CCDC144A: variants seen among roughly 807,000 people sequenced by gnomAD.
CCDC144A encodes the protein coiled-coil domain containing 144A.
Under a neutral mutation model 143.8 loss-of-function variants are expected in CCDC144A, and 41 were observed. The observed-to-expected ratio is 0.29, with a 90% CI of 0.22 to 0.37. The LOEUF is 0.37. CCDC144A is among the 10% of genes least tolerant of loss of function. The probability of loss-of-function intolerance (pLI) is 1.00; values close to 1 mark genes in which losing one functional copy is unlikely to be tolerated. For missense variants in CCDC144A, 637 were observed against 1,488.8 expected (o/e 0.43, Z 9.41); for synonymous variants, 242 against 517.9 (o/e 0.47, Z 7.23).
chr17:16,716,630 A>AT (rs917070333), intron 6 of CCDC144A, among the ~76,000 whole-genome samples: 2 of 152,070 alleles, frequency 1.3e-5, no homozygotes, highest in Non-Finnish European at 1.5e-5. Context: ...TAACACTAAG[A>AT]TTTTTTTCTT....
At chr17:16,754,547 G>A (rs2649359) in intron 12 of CCDC144A, among the ~76,000 whole-genome samples, 3 of 152,210 alleles carry the variant, frequency 2.0e-5, no homozygotes, top group East Asian at 3.9e-4. Context: ...TTTAATTTCC[G>A]TGCATTTGTA....
intron 8 of CCDC144A, among the ~76,000 whole-genome samples, chr17:16,723,446 A>AT (rs1913208980): frequency 1.3e-5 from 2 of 151,590 alleles, no homozygotes; most frequent in African/African-American, 2.4e-5. Flanking sequence ...GGTTTTATTG[A>AT]TTTTTTTCCT....
chr17:16,678,514 G>A, the CCDC144A span, among the ~76,000 whole-genome samples: 2 of 151,930 alleles, frequency 1.3e-5, no homozygotes, highest in Non-Finnish European at 2.9e-5. Context: ...CTGGCATGCA[G>A]ACCTCAGATA....
intron 2 of CCDC144A, among the ~76,000 whole-genome samples, chr17:16,703,187 T>C (rs1244795960): frequency 1.3e-5 from 2 of 152,134 alleles, no homozygotes; most frequent in East Asian, 3.8e-4. Context: ...CATTCCCTTT[T>C]AAAACATTTT....
upstream of CCDC144A, among the ~76,000 whole-genome samples, chr17:16,686,001 C>T (rs1431503903): frequency 7.0e-6 from 1 of 142,660 alleles, no homozygotes; most frequent in African/African-American, 2.6e-5. Flanking sequence ...CTGCTGGTCT[C>T]GAACTCCTGA....
upstream of CCDC144A, chr17:16,689,419 C>T (rs1303247236): frequency 6.6e-6 from 1 of 152,322 alleles, no homozygotes; most frequent in Non-Finnish European, 1.5e-5. Flanking sequence ...GCCTCAAACT[C>T]CTGACCTCAA....
chr17:16,681,729 G>A, the CCDC144A span, among the ~76,000 whole-genome samples: 35 of 151,824 alleles, frequency 2.3e-4, no homozygotes, highest in African/African-American at 6.8e-4. Flanking sequence ...GTGTGGTGGC[G>A]CACGCCTATA....
chr17:16,689,565 G>A (rs1450731134), upstream of CCDC144A: 1 of 152,368 alleles, frequency 6.6e-6, no homozygotes, highest in Non-Finnish European at 1.5e-5. Context: ...AGCAATCCTG[G>A]TGGCACCAGG....
intron 12 of CCDC144A, among the ~76,000 whole-genome samples, chr17:16,741,259 CCT>C (rs1914243198): frequency 6.6e-6 from 1 of 152,158 alleles, no homozygotes; most frequent in African/African-American, 2.4e-5. Context: ...GGACAGCTTG[CCT>C]CTGCTCCCTT....
At chr17:16,748,791 C>T (rs1353314103) in intron 12 of CCDC144A, among the ~76,000 whole-genome samples, 2 of 152,054 alleles carry the variant, frequency 1.3e-5, no homozygotes, top group African/African-American at 4.8e-5. Context: ...TTCATGATTT[C>T]AATTTCCTCG....
Position 16,776,398 on chromosome 17 carries a change from C to T in CCDC144A, c.*2765C>T, listed in dbSNP as rs1352585217. ...TCTTTGAATAATGGTTTATAGTTATCCTTGAAAAGGTCCTTCACTTTTCTT... is the reference window on the plus strand; with the variant it reads ...TCTTTGAATAATGGTTTATAGTTATTCTTGAAAAGGTCCTTCACTTTTCTT... On this transcript the variant is annotated 3_prime_UTR_variant, in exon 17 of 17. Transcript: ENST00000399273. The T allele has an allele frequency of 6.6e-6, 1 of 152,132 alleles. No homozygotes were observed. The highest frequency in any genetic ancestry group is 1.5e-5 in the Non-Finnish European group (1 of 68,046). The allele number at this position is 152,132 out of a possible 1,614,324, so 9.4% of individuals were successfully genotyped here. A position where few individuals can be genotyped will look rare whatever the true frequency, so the allele number is the denominator to read the frequency against.
At position 16,708,869 on chromosome 17, in the gene CCDC144A, A is replaced by T. The variant is rs201297434; in HGVS notation, c.812A>T (p.His271Leu). Residue 271 changes from histidine (H) to leucine (L), a missense_variant, in exon 5 of 17, where the codon CAT (histidine) becomes CTT (leucine). His to Leu is a moderately conservative substitution (Grantham distance 99). Transcript: ENST00000399273. ...ATACCTATATATCCAGTACTTCCTC[A>T]TGTGCAAAAATCTGAGGAAATGTGG... The part of the protein sequence containing the change: ...EDIPIYPVLP[H>L]VQKSEEMWIE... 1,104 of 1,611,870 alleles carry T rather than the reference A, an allele frequency of 6.8e-4. 14 individuals are homozygous for T. The African/African-American group carries it at 0.013, about 19-fold the overall frequency.
chr17:16,683,783 ATGAAGCCGAGCG>A, the CCDC144A span: 5,693 of 1,471,452 alleles, frequency 3.9e-3, 52 homozygotes, highest in African/African-American at 0.015. Context: ...ATGCAAGCAC[ATGAAGCCGAGCG>A]TGAAGCCGAG....
At chr17:16,772,232 A>G (rs1398051550) in intron 16 of CCDC144A, among the ~76,000 whole-genome samples, 1 of 152,166 alleles carries the variant, frequency 6.6e-6, no homozygotes. Context: ...CTTGAAAAAA[A>G]TAGCTCAAGA....
rs1444555064 is a variant in CCDC144A, at chr17:16,734,706, A to G, written c.2435A>G (p.Gln812Arg). 2.6e-6 allele frequency: 4 copies of G among 1,566,738 alleles called. No individual in the cohort carries two copies. The highest frequency in any genetic ancestry group is 1.2e-5 in the South Asian group (1 of 82,462). Residue 812 changes from glutamine to arginine, a missense_variant, in exon 12 of 17, where the codon CAG becomes CGG. Coordinates refer to ENST00000399273, the MANE Select transcript of CCDC144A (RefSeq NM_001382000.1). ...KMNSEISHRH[Q>R]KEKDLFHEDC... ...CTTACTTAGATTTCTCATAGGCATC[A>G]GAAAGAAAAGGATCTCTTTCATGAA...
intron 15 of CCDC144A, among the ~76,000 whole-genome samples, chr17:16,769,216 G>A (rs1195957852): frequency 6.6e-6 from 1 of 152,114 alleles, no homozygotes; most frequent in East Asian, 1.9e-4. Flanking sequence ...TTTTGAAAGA[G>A]ACCCTGAGCC....
rs932719464 is a variant in CCDC144A, at chr17:16,707,413, C to G, written c.665-56C>G. 187 of 940,636 alleles carry G rather than the reference C, an allele frequency of 2.0e-4. 1 individual carries two copies. Among genetic ancestry groups the G allele is most frequent in the Non-Finnish European group, 1.9e-5 (12 of 616,182 alleles). 58.3% of individuals were successfully genotyped at this position (940,636 alleles called of 1,614,324 possible). A position where few individuals can be genotyped will look rare whatever the true frequency, so the allele number is the denominator to read the frequency against. On this transcript the variant is annotated intron_variant, in intron 3 of 16. Transcript: ENST00000399273. Reference sequence around the variant, plus strand: ...AATTTAAAATCTATTTTTATAAAGACTATGTCTTTTATCTAACTGTTCTAA... The same window carrying G: ...AATTTAAAATCTATTTTTATAAAGAGTATGTCTTTTATCTAACTGTTCTAA...
intron 8 of CCDC144A, among the ~76,000 whole-genome samples, chr17:16,726,366 G>A (rs1399309078): frequency 8.3e-5 from 12 of 144,714 alleles, no homozygotes; most frequent in African/African-American, 2.9e-4. Context: ...GGGCGACACA[G>A]CGAGACTCCG....
At position 16,724,787 on chromosome 17, in the gene CCDC144A, ATTTTTTTTTTTTTTTTTTT is replaced by A. The variant is rs760344292; in HGVS notation, c.1892-2722_1892-2704del. On this transcript the variant is annotated intron_variant, in intron 8 of 16. Transcript: ENST00000399273. The stretch of plus-strand genomic sequence containing the variant: ...AGATTACACGTTCTTGATTAACTGA[ATTTTTTTTTTTTTTTTTTT>A]TTTTTTTTTTTTTTTTTGGTATTTT... 8.7e-3 allele frequency among the ~76,000 whole-genome samples: 304 copies of A among 35,106 alleles called. 2 individuals carry two copies. The highest frequency in any genetic ancestry group is 0.031 in the African/African-American group (291 of 9,244). The allele number at this position is 35,106 out of a possible 152,430, so 23.0% of individuals were successfully genotyped here. A position where few individuals can be genotyped will look rare whatever the true frequency, so the allele number is the denominator to read the frequency against.
Sources: allele counts gnomAD v4.1 joint callset (sites outside exome capture counted in the v4.1 genomes callset), GRCh38; gene constraint gnomAD v4.1.1; transcripts MANE v1.5; gene names NCBI Gene and HGNC (gene_info 2026-07-23, HGNC 2026-07-21).